Variants in DNAAF3 observed in about 807,000 individuals in gnomAD.
DNAAF3 encodes the protein UPF0470 protein C19orf51.
Under a neutral mutation model 50.9 loss-of-function variants are expected in DNAAF3, and 40 were observed. That is an observed-to-expected ratio of 0.79 (90% CI 0.61 to 1.02). The LOEUF (loss-of-function observed/expected upper bound fraction) is 1.02. Among genes scored for constraint, DNAAF3 ranks in the 50% least tolerant of loss-of-function variants. The pLI is 0.00. For synonymous variants in DNAAF3, 327 were observed against 322.8 expected, an observed-to-expected ratio of 1.01 and a Z score of -0.14; for missense variants, 763 against 744.7, an observed-to-expected ratio of 1.02 and a Z score of -0.29.
rs766024493 is a variant in DNAAF3 at position 55,166,367 on chromosome 19, C to A, written c.47G>T (p.Trp16Leu). 5 of 1,613,754 alleles carry A rather than the reference C, an allele frequency of 3.1e-6. No homozygotes were observed. The highest frequency in any genetic ancestry group is 4.2e-6 in the Non-Finnish European group (5 of 1,179,908). ...GTCCAGCGCCGGGGACAGGCCCCAC[C>A]AGGACACGGAGCCGAAGCCGCTGCC... ...GSGSGFGSVS[W>L]WGLSPALDLQ... Residue 16 changes from tryptophan to leucine, a missense_variant, in exon 2 of 12, where the codon TGG becomes TTG. Transcript: ENST00000524407. This position sits in a 1 kb window ranked among gnomAD's most constrained non-coding sequence, Gnocchi z 4.0.
chr19:55,162,142 G>A lies in DNAAF3; in HGVS notation c.471C>T (p.Arg157=), dbSNP rs561398611. 1.8e-5 allele frequency: 22 copies of A among 1,250,060 alleles called. No individual in the cohort carries two copies. In the Admixed American group the frequency reaches 3.3e-4, roughly 19 times the overall value. The allele number at this position is 1,250,060 out of a possible 1,614,324, so 77.4% of individuals were successfully genotyped here. ...GGCCGGGCGGCGGCACCTTGAGGGC[G>A]CGGAGGCTGAGCCAGGGCAGCTGTT... ...LEEQLPWLSL[R]ALKFRERDAL... is the part of the protein sequence containing the mutation. Residue 157 remains arginine, a synonymous_variant, in exon 5 of 12, where the codon CGC becomes CGT. Coordinates refer to ENST00000524407, the MANE Select transcript of DNAAF3 (RefSeq NM_001256715.2).
rs762932898 is a variant in DNAAF3 at position 55,166,555 on chromosome 19, C to T, written c.-37G>A. On this transcript the variant is annotated 5_prime_UTR_variant, in exon 1 of 12. Transcript: ENST00000524407. This position sits in a 1 kb window ranked among gnomAD's most constrained non-coding sequence, Gnocchi z 4.0. The stretch of plus-strand genomic sequence containing the variant: ...CTCCAAATATCCCGGGACGCCCCTT[C>T]CTCTCTGCTCAGTGCAGCACTGTGG... 1.4e-5 allele frequency: 22 copies of T among 1,614,240 alleles called. No homozygotes were observed. The highest frequency in any genetic ancestry group is 1.8e-5 in the Non-Finnish European group (21 of 1,180,046).
Position 55,161,480 on chromosome 19 carries a change from C to T in DNAAF3, c.664-62G>A. On this transcript the variant is annotated intron_variant, in intron 6 of 11. Coordinates refer to ENST00000524407, the MANE Select transcript of DNAAF3 (RefSeq NM_001256715.2). This position sits in a 1 kb window ranked among gnomAD's most constrained non-coding sequence, Gnocchi z 6.4. Reference sequence around the variant, plus strand: ...AACCGAGCGTGGAGAGACCCCTACACCAGCCTCCCTCAGACCCAGGAGTCC... The same window carrying T: ...AACCGAGCGTGGAGAGACCCCTACATCAGCCTCCCTCAGACCCAGGAGTCC... The T allele has an allele frequency of 3.2e-6, 5 of 1,541,392 alleles. No homozygotes were observed. The South Asian group carries it at 5.0e-5, about 15-fold the overall frequency.
In DNAAF3 at chr19:55,159,952, G is replaced by A; in HGVS notation, c.1110C>T (p.Leu370=). 1 of 1,613,530 alleles carries A rather than the reference G, an allele frequency of 6.2e-7. No individual in the cohort carries two copies. The highest frequency in any genetic ancestry group is 1.3e-5 in the African/African-American group (1 of 74,952). The change falls in exon 10 of 12, where the codon CTC becomes CTT. Residue 370 remains leucine, a synonymous_variant. Transcript: ENST00000524407. The part of the protein sequence containing the change: ...HFLPLNSAQT[L]HHKSCYNGRF... The stretch of plus-strand genomic sequence containing the variant: ...GGCCGTTGTAGCAGCTCTTGTGGTG[G>A]AGAGTCTGAGCAGAATTGAGCGGCA...
chr19:55,162,353 T>C (rs1466102765), intron 4 of DNAAF3, 63 bp from the exon 5 acceptor site: 4 of 1,239,532 alleles, frequency 3.2e-6, no homozygotes, highest in Non-Finnish European at 4.1e-6. Flanking sequence ...ATTACACCCT[T>C]AATATGTTAT....
At chr19:55,162,566 A>T (rs973326905) in intron 4 of DNAAF3, 6 of 947,616 alleles carry the variant, frequency 6.3e-6, no homozygotes, top group Admixed American at 5.2e-5. Flanking sequence ...AGCCTGGGCA[A>T]CAGAGTGAGA....
intron 3 of DNAAF3, 189 bp downstream of exon 3, chr19:55,165,669 T>G: frequency 9.3e-7 from 1 of 1,080,568 alleles, no homozygotes; most frequent in East Asian, 2.6e-5. Context: ...TTCCCCACTA[T>G]AGAACCCAGG....
In DNAAF3 at chr19:55,160,958, CG is replaced by C; in HGVS notation, c.912+106del. 4.8e-6 allele frequency: 7 copies of C among 1,451,400 alleles called. No individual in the cohort carries two copies. The highest frequency in any genetic ancestry group is 6.3e-6 in the Non-Finnish European group (7 of 1,104,544). 89.9% of individuals were successfully genotyped at this position (1,451,400 alleles called of 1,614,324 possible). On this transcript the variant is annotated intron_variant, in intron 8 of 11. Coordinates refer to ENST00000524407, the MANE Select transcript of DNAAF3 (RefSeq NM_001256715.2). This position sits in a 1 kb window ranked among gnomAD's most constrained non-coding sequence, Gnocchi z 4.7. ...GAATGGAGTCGTTCCCACCAAGCGA[CG>C]GGCGGGGTCTGGAGCTGGGGGCGGG...
intron 4 of DNAAF3, among the ~76,000 whole-genome samples, chr19:55,164,310 G>A (rs775958326): frequency 6.6e-5 from 10 of 151,958 alleles, no homozygotes; most frequent in South Asian, 4.2e-4. Context: ...GTGAAACCCC[G>A]GCTCTACTAA....
At position 55,159,469 on chromosome 19, in the gene DNAAF3, T is replaced by C. The variant is rs766394618; in HGVS notation, c.1239-20A>G. 2.4e-5 allele frequency: 39 copies of C among 1,609,354 alleles called. No individual in the cohort carries two copies. The highest frequency in any genetic ancestry group is 3.2e-5 in the Non-Finnish European group (38 of 1,176,542). On this transcript the variant is annotated intron_variant, in intron 11 of 11. Coordinates refer to ENST00000524407, the MANE Select transcript of DNAAF3 (RefSeq NM_001256715.2). ...AGGTACCTGCAGATGGGAAGCGCCCTGTCAGGGACCCAGATTTTGATCCCC... is the reference window on the plus strand; with the variant it reads ...AGGTACCTGCAGATGGGAAGCGCCCCGTCAGGGACCCAGATTTTGATCCCC...
In DNAAF3 at chr19:55,159,277, G is replaced by C. The variant is rs985181220; in HGVS notation, c.1411C>G (p.Pro471Ala). The C allele has an allele frequency of 1.2e-6, 2 of 1,614,090 alleles. No individual in the cohort carries two copies. The highest frequency in any genetic ancestry group is 2.7e-5 in the African/African-American group (2 of 75,060). ...AGGATGTCAAGGGGCGGAGTTCCGG[G>C]TTCCACAGCTGGGACAGTGTTGCCC... Reference protein sequence around the residue: ...ALGNTVPAVEPGTPPLDILAQ... With the variant: ...ALGNTVPAVEAGTPPLDILAQ... The change falls in exon 12 of 12, where the codon CCC (proline) becomes GCC (alanine). Residue 471 changes from proline (P) to alanine (A), a missense_variant. By Grantham distance (27) the Pro-to-Ala change is conservative. Coordinates refer to ENST00000524407, the MANE Select transcript of DNAAF3 (RefSeq NM_001256715.2).
rs754696156 is a variant in DNAAF3 at position 55,166,113 on chromosome 19, G to A, written c.86-113C>T. ...CAGTAGGCGTTCCGCCCGTGGCCTA[G>A]GTTCTAAGGGGAGGTGTTTCCTCTG... On this transcript the variant is annotated intron_variant, in intron 2 of 11. Transcript: ENST00000524407. This position sits in a 1 kb window ranked among gnomAD's most constrained non-coding sequence, Gnocchi z 4.0. 1 of 1,579,402 alleles carries A rather than the reference G, an allele frequency of 6.3e-7. No homozygotes were observed. Among genetic ancestry groups the A allele is most frequent in the African/African-American group, 1.3e-5 (1 of 74,180 alleles).
At chr19:55,162,991 CTTTTTCTTTTT>C (rs1233158466) in intron 4 of DNAAF3, among the ~76,000 whole-genome samples, 19 of 104,128 alleles carry the variant, frequency 1.8e-4, no homozygotes, top group African/African-American at 6.4e-4. Context: ...TTTTTCTTTT[CTTTTTCTTTTT>C]TTTTTTTTTT....
At position 55,159,513 on chromosome 19, in the gene DNAAF3, C is replaced by T. The variant is rs749232820; in HGVS notation, c.1238+20G>A. On this transcript the variant is annotated intron_variant, in intron 11 of 11. Transcript: ENST00000524407. ...GATCCCCAGCCAGGATGTTCCCCAC[C>T]CTCCACCCCACTGACTCACCGGGCT... is the stretch of plus-strand genomic sequence containing the variant. 1.1e-5 allele frequency: 17 copies of T among 1,597,604 alleles called. No homozygotes were observed. The African/African-American group carries it at 1.7e-4, about 16-fold the overall frequency.
chr19:55,159,029 G>GA lies in DNAAF3; in HGVS notation c.*32dup. On this transcript the variant is annotated 3_prime_UTR_variant, in exon 12 of 12. Transcript: ENST00000524407. Reference sequence around the variant, plus strand: ...GTTCTCATCCTACAACCTGACTTTGGAAGTTGGAGATAAGGGGTGTCTAGG... The same window carrying GA: ...GTTCTCATCCTACAACCTGACTTTGGAAAGTTGGAGATAAGGGGTGTCTAGG... 6.5e-7 allele frequency: 1 copy of GA among 1,535,218 alleles called. No individual in the cohort carries two copies. Among genetic ancestry groups the GA allele is most frequent in the Non-Finnish European group, 8.7e-7 (1 of 1,143,844 alleles).
upstream of DNAAF3, chr19:55,166,688 G>T: frequency 6.3e-7 from 1 of 1,588,568 alleles, no homozygotes; most frequent in South Asian, 1.1e-5. The surrounding 1 kb of genome is among the most constrained non-coding windows in gnomAD (Gnocchi z 4.0). Context: ...CAATGAGAGT[G>T]AGCGAGGCCC....
Position 55,160,635 on chromosome 19 carries a change from C to G in DNAAF3, c.1048+5G>C. 6.2e-7 allele frequency: 1 copy of G among 1,612,920 alleles called. No individual in the cohort carries two copies. The highest frequency in any genetic ancestry group is 8.5e-7 in the Non-Finnish European group (1 of 1,179,612). ...CTGGCTTACCTGTTGTTGTCCCTGG[C>G]TTACCTGGAGTCCCTGGCTCCGGGC... On this transcript the variant is annotated splice_donor_5th_base_variant and intron_variant, in intron 9 of 11. Transcript: ENST00000524407. This position sits in a 1 kb window ranked among gnomAD's most constrained non-coding sequence, Gnocchi z 4.7.
chr19:55,163,517 C>A (rs552056965), intron 4 of DNAAF3, among the ~76,000 whole-genome samples: 7 of 151,740 alleles, frequency 4.6e-5, no homozygotes, highest in Non-Finnish European at 1.0e-4. Context: ...GTCTCAAACT[C>A]GTGGTCTCAA....
chr19:55,158,980 G>A lies in DNAAF3; in HGVS notation c.*82C>T. On this transcript the variant is annotated 3_prime_UTR_variant, in exon 12 of 12. Transcript: ENST00000524407. ...TAGAATAAAATTGAGGACTCTAGCA[G>A]CGGACTTAGAATGGTATCAGCGGGT... 1 of 1,458,724 alleles carries A rather than the reference G, an allele frequency of 6.9e-7. No homozygotes were observed. Among genetic ancestry groups the A allele is most frequent in the Admixed American group, 2.3e-5 (1 of 43,862 alleles). 90.4% of individuals were successfully genotyped at this position (1,458,724 alleles called of 1,614,324 possible).
Sources: gnomAD v4.1 joint callset for allele counts (sites outside exome capture counted in the v4.1 genomes callset) on GRCh38, gnomAD v4.1.1 for gene constraint, Gnocchi (gnomAD v3.1) non-coding constraint, MANE v1.5 for transcripts, NCBI Gene and HGNC (gene_info 2026-07-23, HGNC 2026-07-21) for gene names.